The following PRH1 variants were observed in gnomAD, a reference collection of about 807,000 sequenced individuals.
PRH1 encodes salivary acidic proline-rich phosphoprotein 1/2.
A neutral mutation model predicts 7.9 loss-of-function variants in PRH1; 7 were observed. The ratio of observed to expected loss-of-function variants is 0.89; its 90% CI spans 0.50 to 1.67. PRH1 has a LOEUF of 1.67. PRH1 is among the 40% of genes most tolerant of loss of function. The pLI is 0.00. For synonymous variants in PRH1, 45 were observed against 80.8 expected, an observed-to-expected ratio of 0.56 and a Z score of 2.38; for missense variants, 109 against 223.6, an observed-to-expected ratio of 0.49 and a Z score of 3.27.
chr12:11,008,788 A>T (rs1940944359), intron 1 of PRH1, among the ~76,000 whole-genome samples: 1 of 151,812 alleles, frequency 6.6e-6, no homozygotes, highest in African/African-American at 2.4e-5. Context: ...ATATACTTGG[A>T]CAGCTTCTTT....
At chr12:10,972,285 C>A (rs1938852109) in intron 2 of PRH1, among the ~76,000 whole-genome samples, 1 of 152,122 alleles carries the variant, frequency 6.6e-6, no homozygotes, top group Non-Finnish European at 1.5e-5. Context: ...GCATGATCCC[C>A]CTTAAGGTCC....
chr12:11,151,766 T>A (rs1202609841), intron 1 of PRH1, among the ~76,000 whole-genome samples: 4 of 152,188 alleles, frequency 2.6e-5, no homozygotes, highest in African/African-American at 7.2e-5. Context: ...CTTTAGTTGG[T>A]TAAATTTTCT....
chr12:11,036,413 T>A (rs1942435836), intron 1 of PRH1, among the ~76,000 whole-genome samples: 1 of 152,188 alleles, frequency 6.6e-6, no homozygotes, highest in Non-Finnish European at 1.5e-5. Context: ...ACTACAACCT[T>A]CTAACTCCAT....
chr12:11,051,807 A>T (rs1943157282), upstream of PRH1, among the ~76,000 whole-genome samples: 1 of 152,100 alleles, frequency 6.6e-6, no homozygotes, highest in South Asian at 2.1e-4. Flanking sequence ...ACATAACTGC[A>T]TGTACATGTG....
chr12:11,011,386 C>G (rs1941063605), intron 1 of PRH1, among the ~76,000 whole-genome samples: 1 of 152,106 alleles, frequency 6.6e-6, no homozygotes, highest in South Asian at 2.1e-4. Flanking sequence ...ATTCCCAAAA[C>G]AGCTCAATTA....
downstream of PRH1, among the ~76,000 whole-genome samples, chr12:11,117,360 A>T (rs1486728259): frequency 6.6e-6 from 1 of 152,114 alleles, no homozygotes; most frequent in Non-Finnish European, 1.5e-5. Flanking sequence ...TCAGCCAAAG[A>T]GATGAAATAG....
chr12:11,011,719 T>C (rs1941076827), intron 1 of PRH1, among the ~76,000 whole-genome samples: 2 of 152,088 alleles, frequency 1.3e-5, no homozygotes, highest in South Asian at 4.1e-4. Flanking sequence ...AGTTTTCTTA[T>C]TAAAAGACTC....
intron 1 of PRH1, among the ~76,000 whole-genome samples, chr12:11,129,526 T>C (rs1309408404): frequency 6.6e-6 from 1 of 152,296 alleles, no homozygotes; most frequent in Non-Finnish European, 1.5e-5. Flanking sequence ...ATGGTAGTCT[T>C]TTCTATAACC....
chr12:11,115,829 G>GA (rs1565667818), intron 1 of PRH1, among the ~76,000 whole-genome samples: 1 of 151,730 alleles, frequency 6.6e-6, no homozygotes, highest in South Asian at 2.1e-4. Context: ...AAAGGAAATT[G>GA]AAAAAATGCT....
Position 11,004,975 on chromosome 12 carries a change from T to A in PRH1, c.-125-31254A>T, listed in dbSNP as rs187599921. On this transcript the variant is annotated intron_variant, in intron 1 of 3. Coordinates refer to the PRH1 transcript ENST00000539853. ...ACATGATTGGTATCAACATATCATGTCTGAATTCTTTTTAAGGCAGGCCTA... is the reference window on the plus strand; with the variant it reads ...ACATGATTGGTATCAACATATCATGACTGAATTCTTTTTAAGGCAGGCCTA... 3.2e-3 allele frequency among the ~76,000 whole-genome samples: 491 copies of A among 152,276 alleles called. 4 individuals carry two copies. The highest frequency in any genetic ancestry group is 0.011 in the African/African-American group (455 of 41,574).
intron 1 of PRH1, among the ~76,000 whole-genome samples, chr12:11,059,089 C>T (rs1301262844): frequency 6.6e-6 from 1 of 152,166 alleles, no homozygotes; most frequent in African/African-American, 2.4e-5. Context: ...GATGGTAGTT[C>T]TGCCTCAGGG....
intron 2 of PRH1, among the ~76,000 whole-genome samples, chr12:10,921,002 T>C (rs1283663392): frequency 1.3e-5 from 2 of 152,076 alleles, no homozygotes; most frequent in Non-Finnish European, 1.5e-5. Flanking sequence ...ATTTACTTTC[T>C]AGTTTTAAAT....
chr12:11,025,581 C>T (rs1941868585), intron 1 of PRH1, among the ~76,000 whole-genome samples: 1 of 152,290 alleles, frequency 6.6e-6, no homozygotes, highest in African/African-American at 2.4e-5. Context: ...TTCAGGGATA[C>T]ATTTTATACC....
intron 1 of PRH1, chr12:11,022,562 A>T: frequency 6.2e-7 from 1 of 1,600,192 alleles, no homozygotes; most frequent in East Asian, 2.2e-5. Flanking sequence ...ATGAGCAGAA[A>T]ACACATCATG....
At chr12:10,997,383 T>C in intron 1 of PRH1, 2 of 1,614,126 alleles carry the variant, frequency 1.2e-6, no homozygotes, top group Non-Finnish European at 1.7e-6. Flanking sequence ...AGTTTGATCT[T>C]CCAAGTTACG....
intron 1 of PRH1, chr12:11,021,968 G>T: frequency 6.2e-7 from 1 of 1,606,786 alleles, no homozygotes; most frequent in Non-Finnish European, 8.5e-7. Flanking sequence ...TGTTTACAAA[G>T]AGAACAGATT....
At chr12:10,939,261 G>A in intron 2 of PRH1, 1 of 1,007,120 alleles carries the variant, frequency 9.9e-7, no homozygotes, top group South Asian at 1.7e-5. Context: ...ACTTCTTAAT[G>A]CATTCATCTA....
At chr12:11,103,956 G>A (rs982945319) in intron 1 of PRH1, among the ~76,000 whole-genome samples, 3 of 151,788 alleles carry the variant, frequency 2.0e-5, no homozygotes, top group Non-Finnish European at 2.9e-5. Context: ...CTAGTAACCA[G>A]TTTCCTGGTT....
rs531425834 is a variant in PRH1 at position 10,882,687 on chromosome 12, A to G, written c.112T>C (p.Ser38Pro). ...CGCTCCTCATCTAGGAACTGCTCAG[A>G]GTCTCCTCCATCTGTGTGAGTTGAA... ...VPLVISDGGD[S>P]EQFLDEERQG... Residue 38 changes from serine to proline, a missense_variant, in exon 3 of 4, where the codon TCT becomes CCT. Physicochemically the swap from Ser to Pro is moderately conservative, Grantham distance 74. This residue lies in a region of PRH1 where 60 missense variants were observed against 76.5 expected (regional missense o/e 0.78). Coordinates refer to ENST00000543626, the MANE Select transcript of PRH1 (RefSeq NM_001393989.1). 8.3e-6 allele frequency: 13 copies of G among 1,572,620 alleles called. No individual in the cohort carries two copies. Among genetic ancestry groups the G allele is most frequent in the Non-Finnish European group, 1.1e-5 (13 of 1,162,272 alleles).
Sources: allele counts gnomAD v4.1 joint callset (sites outside exome capture counted in the v4.1 genomes callset), GRCh38; gene constraint gnomAD v4.1.1; regional missense constraint gnomAD v4.1.1; transcripts MANE v1.5; gene names NCBI Gene and HGNC (gene_info 2026-07-23, HGNC 2026-07-21).